Variants in ATP10B observed in about 807,000 individuals in gnomAD.
ATP10B encodes ATPase phospholipid transporting 10B (putative).
Under a neutral mutation model 141.2 loss-of-function variants are expected in ATP10B, and 122 were observed. That is an observed-to-expected ratio of 0.86 (90% CI 0.75 to 1.00). The LOEUF (loss-of-function observed/expected upper bound fraction) is 1.00, where lower values mean the gene tolerates loss of function less well. Ranked by LOEUF, ATP10B falls within the 50% of genes least tolerant of loss-of-function variation. ATP10B has a pLI of 0.00. For synonymous variants in ATP10B, 685 were observed against 692.0 expected, an observed-to-expected ratio of 0.99 and a Z score of 0.16; for missense variants, 1,876 against 1,825.3, an observed-to-expected ratio of 1.03 and a Z score of -0.51.
chr5:160,650,176 A>C (rs549483009), intron 7 of ATP10B, among the ~76,000 whole-genome samples: 6 of 150,756 alleles, frequency 4.0e-5, no homozygotes, highest in African/African-American at 7.3e-5. Flanking sequence ...ATATACATAC[A>C]TATATATATA....
Position 160,823,015 on chromosome 5 carries a change from T to TATAC in ATP10B, c.-576+28925_-576+28926insGTAT, listed in dbSNP as rs1462917437. Among the ~76,000 whole-genome samples, 263 of 117,468 alleles carry TATAC rather than the reference T, an allele frequency of 2.2e-3. 5 individuals are homozygous for TATAC. The highest frequency in any genetic ancestry group is 7.9e-3 in the African/African-American group (249 of 31,614). 77.1% of individuals were successfully genotyped at this position (117,468 alleles called of 152,430 possible). A position where few individuals can be genotyped will look rare whatever the true frequency, so the allele number is the denominator to read the frequency against. On this transcript the variant is annotated intron_variant, in intron 1 of 25. Coordinates refer to ENST00000327245, the MANE Select transcript of ATP10B (RefSeq NM_025153.3). ...ATATATATATACATATATATATATA[T>TATAC]ATATATATATATATATATATAAAAT...
intron 1 of ATP10B, among the ~76,000 whole-genome samples, chr5:160,810,217 T>C (rs1333632239): frequency 6.6e-6 from 1 of 152,138 alleles, no homozygotes; most frequent in East Asian, 1.9e-4. Context: ...TTTTTGTATA[T>C]TAATTATGTC....
intron 15 of ATP10B, among the ~76,000 whole-genome samples, chr5:160,619,360 T>C (rs1758193460): frequency 6.6e-6 from 1 of 152,220 alleles, no homozygotes; most frequent in African/African-American, 2.4e-5. Flanking sequence ...CTCTAATCCA[T>C]TTTTCAATCA....
At chr5:160,701,409 T>C (rs1764662670) in intron 3 of ATP10B, among the ~76,000 whole-genome samples, 1 of 152,166 alleles carries the variant, frequency 6.6e-6, no homozygotes, top group African/African-American at 2.4e-5. Flanking sequence ...CAGCATGCTG[T>C]AACCCACTTC....
the ATP10B span, among the ~76,000 whole-genome samples, chr5:160,881,897 A>G: frequency 6.6e-6 from 1 of 152,220 alleles, no homozygotes; most frequent in South Asian, 2.1e-4. Context: ...ATGGATAAAT[A>G]AACTGTGGTA....
intron 10 of ATP10B, among the ~76,000 whole-genome samples, chr5:160,639,634 A>C (rs886971394): frequency 6.6e-6 from 1 of 152,192 alleles, no homozygotes; most frequent in African/African-American, 2.4e-5. Context: ...AGAACTGCCG[A>C]TGCCCTGACT....
At chr5:160,852,598 G>A (rs1323694983), upstream of ATP10B, among the ~76,000 whole-genome samples, 3 of 152,154 alleles carry the variant, frequency 2.0e-5, no homozygotes, top group Non-Finnish European at 4.4e-5. Context: ...TCATTTTGCA[G>A]TAGTCATAGT....
chr5:160,918,951 C>A, the ATP10B span, among the ~76,000 whole-genome samples: 1 of 150,882 alleles, frequency 6.6e-6, no homozygotes, highest in Non-Finnish European at 1.5e-5. Context: ...GTGGGCCGGG[C>A]GCGGTGGCTC....
chr5:160,901,751 T>G, the ATP10B span, among the ~76,000 whole-genome samples: 1 of 152,200 alleles, frequency 6.6e-6, no homozygotes, highest in Non-Finnish European at 1.5e-5. Context: ...GGTTCATAAA[T>G]GAATAGGTCA....
At chr5:160,661,872 G>A (rs993433504) in intron 7 of ATP10B, among the ~76,000 whole-genome samples, 13 of 152,116 alleles carry the variant, frequency 8.5e-5, no homozygotes, top group South Asian at 4.1e-4. Flanking sequence ...CTGTTTGCAG[G>A]TGACATGATT....
chr5:160,622,436 G>T lies in ATP10B; in HGVS notation c.1770C>A (p.Cys590Ter), dbSNP rs752581087. Residue 590 changes from cysteine (C) to a stop codon, truncating the protein, a stop_gained, in exon 14 of 26, where the codon TGC becomes TGA. Coordinates refer to ENST00000327245, the MANE Select transcript of ATP10B (RefSeq NM_025153.3). LOFTEE classifies it high-confidence loss of function. Reference protein sequence around the residue: ...IADFFLALTICNSVMVSTTTE... With the variant: ...IADFFLALTI The stretch of plus-strand genomic sequence containing the variant: ...TGGTTGTGGACACCATGACAGAGTT[G>T]CAGATGGTTAAGGCAAGGAAGAAAT... The T allele has an allele frequency of 6.2e-7, 1 of 1,614,010 alleles. No individual in the cohort carries two copies. The highest frequency in any genetic ancestry group is 8.5e-7 in the Non-Finnish European group (1 of 1,179,998).
chr5:160,873,575 G>A, the ATP10B span, among the ~76,000 whole-genome samples: 449 of 152,332 alleles, frequency 2.9e-3, 1 homozygote, highest in African/African-American at 0.01. Context: ...AGCTCCCAGC[G>A]TGAGCGACAC....
At chr5:160,653,167 T>A (rs1761034047) in intron 7 of ATP10B, among the ~76,000 whole-genome samples, 1 of 130,882 alleles carries the variant, frequency 7.6e-6, no homozygotes, top group Non-Finnish European at 1.5e-5. Flanking sequence ...ATAATATATA[T>A]TATATATACA....
intron 2 of ATP10B, among the ~76,000 whole-genome samples, chr5:160,756,527 CA>C (rs1261703248): frequency 6.6e-5 from 10 of 152,184 alleles, no homozygotes; most frequent in African/African-American, 2.2e-4. Context: ...ACATCCTTGT[CA>C]ATACTTGGTA....
chr5:160,811,205 G>C (rs973779147), intron 1 of ATP10B, among the ~76,000 whole-genome samples: 8 of 152,192 alleles, frequency 5.3e-5, no homozygotes, highest in Non-Finnish European at 8.8e-5. Context: ...AACCTTGGGT[G>C]ACACTCTGAA....
In ATP10B at chr5:160,617,024, G is replaced by T. The variant is rs1297994402; in HGVS notation, c.2526+840C>A. On this transcript the variant is annotated intron_variant, in intron 16 of 25. Transcript: ENST00000327245. ...AAGGTCACACATCTAAAAGTAGTGA[G>T]ATTGGGACTAGTACCCAGGTGGTTC... 2.0e-5 allele frequency among the ~76,000 whole-genome samples: 3 copies of T among 152,324 alleles called. No homozygotes were observed. The East Asian group carries it at 5.8e-4, about 29-fold the overall frequency.
At chr5:160,624,950 A>C (rs760772114) in intron 13 of ATP10B, among the ~76,000 whole-genome samples, 1 of 152,206 alleles carries the variant, frequency 6.6e-6, no homozygotes, top group Non-Finnish European at 1.5e-5. Flanking sequence ...CAAGTCACCA[A>C]CACCACTCAA....
At chr5:160,669,562 G>C (rs1762535930) in intron 7 of ATP10B, among the ~76,000 whole-genome samples, 1 of 150,268 alleles carries the variant, frequency 6.7e-6, no homozygotes, top group Non-Finnish European at 1.5e-5. Context: ...AAGTGTCAAT[G>C]CCACTGCACT....
chr5:160,662,566 A>G (rs983617894), intron 7 of ATP10B, among the ~76,000 whole-genome samples: 32 of 152,340 alleles, frequency 2.1e-4, no homozygotes, highest in Non-Finnish European at 3.8e-4. Context: ...TTTTTAATAA[A>G]TGGTGCTGGG....
Sources: gnomAD v4.1 joint callset for allele counts (sites outside exome capture counted in the v4.1 genomes callset) on GRCh38, gnomAD v4.1.1 for gene constraint, MANE v1.5 for transcripts, NCBI Gene and HGNC (gene_info 2026-07-23, HGNC 2026-07-21) for gene names.